Variants in MRPS28 observed in about 807,000 individuals in gnomAD.
MRPS28 encodes mitochondrial ribosomal protein S28, also known as small ribosomal subunit protein bS1m.
MRPS28 carries 7 observed loss-of-function variants against 10.8 expected under a neutral mutation model. That is an observed-to-expected ratio of 0.65 (90% CI 0.37 to 1.22). The LOEUF is 1.22. MRPS28 is among the 50% of genes most tolerant of loss of function. The pLI is 0.02. For synonymous variants in MRPS28, 121 were observed against 93.3 expected (o/e 1.30, Z -1.71); for missense variants, 265 against 232.9 (o/e 1.14, Z -0.90).
chr8:79,954,218 A>T (rs1156987176), intron 2 of MRPS28, among the ~76,000 whole-genome samples: 1 of 152,144 alleles, frequency 6.6e-6, no homozygotes, highest in East Asian at 1.9e-4. Flanking sequence ...TCTAAAAAAA[A>T]ATTAAAAATT....
intron 2 of MRPS28, among the ~76,000 whole-genome samples, chr8:79,940,749 C>CCACT (rs1191737126): frequency 2.6e-5 from 4 of 152,106 alleles, no homozygotes; most frequent in African/African-American, 9.7e-5. Flanking sequence ...AATTCTACCA[C>CCACT]CACTCCAGAA....
chr8:80,028,447 C>CA (rs1475134057), intron 1 of MRPS28, among the ~76,000 whole-genome samples: 1 of 151,972 alleles, frequency 6.6e-6, no homozygotes, highest in East Asian at 1.9e-4. Flanking sequence ...ATGACTTCTC[C>CA]ATATATGGTA....
chr8:79,936,125 T>A lies in MRPS28; in HGVS notation c.396-16977A>T, dbSNP rs557901522. Among the ~76,000 whole-genome samples the A allele has an allele frequency of 4.6e-5, 7 of 151,944 alleles. No homozygotes were observed. The South Asian group carries it at 1.5e-3, about 32-fold the overall frequency. On this transcript the variant is annotated intron_variant, in intron 2 of 2. Coordinates refer to ENST00000276585, the MANE Select transcript of MRPS28 (RefSeq NM_014018.3). ...ACTTTAGGAGGTCAAGGTGGGAGGA[T>A]TGCTTGAGGCCAGGAGTTTGAGATC...
At chr8:79,932,376 C>T (rs1806485678) in intron 2 of MRPS28, among the ~76,000 whole-genome samples, 1 of 152,138 alleles carries the variant, frequency 6.6e-6, no homozygotes, top group African/African-American at 2.4e-5. Context: ...GAAAAGGAGC[C>T]AGCTGTGCAA....
rs771946050 is a variant in MRPS28, at chr8:80,003,069, C to A, written c.325G>T (p.Glu109Ter). The change falls in exon 2 of 3, where the codon GAG (glutamate) becomes TAG (stop). Residue 109 changes from glutamate (E) to a stop codon, truncating the protein, a stop_gained. Coordinates refer to ENST00000276585, the MANE Select transcript of MRPS28 (RefSeq NM_014018.3). LOFTEE classifies it high-confidence loss of function. ...LVIGRIFHIVENDLYIDFGGK... is the reference protein window; with the variant it reads ...LVIGRIFHIV ...CCAAAATCTATGTACAGATCATTCT[C>A]CACAATATGAAAGATCCGTCCAATG... 23 of 1,613,296 alleles carry A rather than the reference C, an allele frequency of 1.4e-5. No homozygotes were observed. The highest frequency in any genetic ancestry group is 1.9e-5 in the Non-Finnish European group (23 of 1,179,760).
At chr8:79,971,195 G>C (rs1242270018) in intron 2 of MRPS28, among the ~76,000 whole-genome samples, 1 of 152,104 alleles carries the variant, frequency 6.6e-6, no homozygotes. Context: ...AGTTGGGAAG[G>C]CTCTTTAAGA....
At chr8:79,950,975 T>C (rs891524430) in intron 2 of MRPS28, among the ~76,000 whole-genome samples, 2 of 152,198 alleles carry the variant, frequency 1.3e-5, no homozygotes, top group African/African-American at 4.8e-5. Flanking sequence ...CATTTCCTTC[T>C]TCCTGGCATG....
At chr8:79,978,668 T>C (rs867119924) in intron 2 of MRPS28, among the ~76,000 whole-genome samples, 22 of 152,338 alleles carry the variant, frequency 1.4e-4, no homozygotes, top group Middle Eastern at 6.8e-3. Context: ...GATTATGATC[T>C]TAATTTTACC....
intron 1 of MRPS28, among the ~76,000 whole-genome samples, chr8:80,018,964 A>G (rs1322443647): frequency 2.0e-5 from 3 of 152,146 alleles, no homozygotes; most frequent in Non-Finnish European, 4.4e-5. Flanking sequence ...TCATGGAGAC[A>G]GAGTAGAAGG....
At chr8:80,026,766 G>T (rs1462812138) in intron 1 of MRPS28, among the ~76,000 whole-genome samples, 1 of 152,096 alleles carries the variant, frequency 6.6e-6, no homozygotes, top group Non-Finnish European at 1.5e-5. Flanking sequence ...GCATGTGCAT[G>T]GTTGTTTTCT....
At chr8:79,967,868 A>G (rs1453716869) in intron 2 of MRPS28, among the ~76,000 whole-genome samples, 1 of 152,168 alleles carries the variant, frequency 6.6e-6, no homozygotes, top group Admixed American at 6.6e-5. Context: ...ACATGCTATT[A>G]GTATATGTAT....
chr8:79,967,464 G>A (rs142582640), intron 2 of MRPS28, among the ~76,000 whole-genome samples: 8 of 152,234 alleles, frequency 5.3e-5, no homozygotes, highest in Admixed American at 2.0e-4. Context: ...GTCTGTTCTC[G>A]TCTAATCAGC....
chr8:79,945,267 C>T (rs1216277676), intron 2 of MRPS28, among the ~76,000 whole-genome samples: 2 of 152,074 alleles, frequency 1.3e-5, no homozygotes, highest in Admixed American at 6.5e-5. Flanking sequence ...CAAAGGGATG[C>T]ACCATAAGGC....
intron 2 of MRPS28, among the ~76,000 whole-genome samples, chr8:79,987,876 G>T (rs925124822): frequency 2.0e-5 from 3 of 152,148 alleles, no homozygotes; most frequent in African/African-American, 7.2e-5. Flanking sequence ...ATTCCTCAGG[G>T]ATCTAGAACT....
At chr8:79,936,873 T>A (rs1806618196) in intron 2 of MRPS28, among the ~76,000 whole-genome samples, 1 of 152,216 alleles carries the variant, frequency 6.6e-6, no homozygotes, top group Non-Finnish European at 1.5e-5. Context: ...GTTGTTTTTC[T>A]TTTTGAGACA....
At chr8:79,973,804 C>T (rs577870342) in intron 2 of MRPS28, among the ~76,000 whole-genome samples, 2 of 136,962 alleles carry the variant, frequency 1.5e-5, no homozygotes, top group African/African-American at 2.8e-5. Context: ...AGAAAGAAAA[C>T]GAGTTCTCAC....
At chr8:79,997,578 ACT>A (rs1275299577) in intron 2 of MRPS28, among the ~76,000 whole-genome samples, 2 of 151,884 alleles carry the variant, frequency 1.3e-5, no homozygotes, top group African/African-American at 4.8e-5. Flanking sequence ...AAAACAAAAA[ACT>A]CTCTCCTTTC....
intron 2 of MRPS28, among the ~76,000 whole-genome samples, chr8:79,974,382 T>C (rs1807729290): frequency 1.3e-5 from 2 of 151,570 alleles, no homozygotes; most frequent in East Asian, 1.9e-4. Flanking sequence ...CTACTAAAAA[T>C]ACAAAAAATT....
intron 1 of MRPS28, among the ~76,000 whole-genome samples, chr8:80,014,913 G>A (rs769427782): frequency 1.3e-5 from 2 of 152,178 alleles, no homozygotes; most frequent in Non-Finnish European, 2.9e-5. Context: ...CATCTGAGAG[G>A]TGGGGGTCAC....
Sources: allele counts gnomAD v4.1 joint callset (sites outside exome capture counted in the v4.1 genomes callset), GRCh38; gene constraint gnomAD v4.1.1; transcripts MANE v1.5; gene names NCBI Gene and HGNC (gene_info 2026-07-23, HGNC 2026-07-21).